Variants in ARB2A observed in about 807,000 individuals in gnomAD.
ARB2A encodes ARB2 cotranscriptional regulator A.
the ARB2A span, among the ~76,000 whole-genome samples, chr5:94,026,108 A>G: frequency 6.6e-6 from 1 of 152,160 alleles, no homozygotes; most frequent in East Asian, 1.9e-4. Context: ...GGTGACCACA[A>G]TGCTAAAGCT....
At chr5:93,801,556 T>C in the ARB2A span, among the ~76,000 whole-genome samples, 1 of 152,158 alleles carries the variant, frequency 6.6e-6, no homozygotes, top group Non-Finnish European at 1.5e-5. Context: ...TATGTTTTAA[T>C]ACATGATAAA....
the ARB2A span, among the ~76,000 whole-genome samples, chr5:93,632,810 T>A: frequency 6.6e-6 from 1 of 152,126 alleles, no homozygotes; most frequent in African/African-American, 2.4e-5. Context: ...AAGTAGGAGT[T>A]GAAAGAAAGC....
the ARB2A span, among the ~76,000 whole-genome samples, chr5:94,094,898 T>G: frequency 6.6e-6 from 1 of 152,140 alleles, no homozygotes; most frequent in Non-Finnish European, 1.5e-5. Flanking sequence ...GGATATAGAT[T>G]AACAGGAGCA....
chr5:94,105,408 A>C, the ARB2A span, among the ~76,000 whole-genome samples: 1 of 152,096 alleles, frequency 6.6e-6, no homozygotes. Context: ...GAAATAAAAT[A>C]CCTAGGCATA....
At chr5:93,925,766 C>A in the ARB2A span, among the ~76,000 whole-genome samples, 1 of 151,968 alleles carries the variant, frequency 6.6e-6, no homozygotes, top group East Asian at 1.9e-4. Context: ...CATATCTTAC[C>A]ACCTAAGAAG....
chr5:94,045,819 A>G, the ARB2A span, among the ~76,000 whole-genome samples: 1 of 152,196 alleles, frequency 6.6e-6, no homozygotes, highest in Non-Finnish European at 1.5e-5. Flanking sequence ...ATTTACTAAC[A>G]TTGCTTTCTT....
the ARB2A span, among the ~76,000 whole-genome samples, chr5:93,765,987 G>GT: frequency 6.6e-6 from 1 of 152,162 alleles, no homozygotes; most frequent in African/African-American, 2.4e-5. Context: ...CTAGCCATAT[G>GT]TAGAAAGCTG....
At chr5:94,019,197 C>T in the ARB2A span, among the ~76,000 whole-genome samples, 1 of 152,208 alleles carries the variant, frequency 6.6e-6, no homozygotes, top group South Asian at 2.1e-4. Context: ...AGACCTAAAA[C>T]CATAAAAACC....
chr5:93,799,403 C>G, the ARB2A span, among the ~76,000 whole-genome samples: 1 of 152,054 alleles, frequency 6.6e-6, no homozygotes, highest in Admixed American at 6.6e-5. Flanking sequence ...AAGACCCTTT[C>G]TGTCAGTTTC....
chr5:93,715,175 T>C, the ARB2A span, among the ~76,000 whole-genome samples: 2 of 152,180 alleles, frequency 1.3e-5, no homozygotes, highest in African/African-American at 4.8e-5. Context: ...AAAATGTATA[T>C]ATAATCAAAA....
chr5:93,991,663 C>T, the ARB2A span, among the ~76,000 whole-genome samples: 1 of 151,688 alleles, frequency 6.6e-6, no homozygotes, highest in African/African-American at 2.4e-5. Context: ...GATTTAACTG[C>T]AGATTACATG....
the ARB2A span, chr5:94,055,622 T>C: frequency 2.0e-6 from 2 of 984,950 alleles, no homozygotes; most frequent in African/African-American, 3.5e-5. Context: ...AAAAGGGACA[T>C]ATGTTGACAA....
chr5:93,760,836 A>G, the ARB2A span, among the ~76,000 whole-genome samples: 40,817 of 151,870 alleles, frequency 0.27, 6,845 homozygotes, highest in African/African-American at 0.47. Flanking sequence ...CTAGACACTG[A>G]CTTAGACAAG....
the ARB2A span, among the ~76,000 whole-genome samples, chr5:93,729,560 C>T: frequency 6.6e-6 from 1 of 152,068 alleles, no homozygotes; most frequent in South Asian, 2.1e-4. Context: ...ATATGGTCTA[C>T]ATAGCCCATA....
chr5:94,111,006 T>A, the ARB2A span, among the ~76,000 whole-genome samples: 1 of 152,188 alleles, frequency 6.6e-6, no homozygotes, highest in East Asian at 1.9e-4. Flanking sequence ...GTCAAAAGTA[T>A]TCAACACTTA....
At chr5:94,087,537 T>C in the ARB2A span, among the ~76,000 whole-genome samples, 1 of 152,240 alleles carries the variant, frequency 6.6e-6, no homozygotes, top group East Asian at 1.9e-4. Context: ...TACAGTAAGC[T>C]AGTTTATTAT....
At chr5:93,958,581 G>A in the ARB2A span, among the ~76,000 whole-genome samples, 1 of 151,902 alleles carries the variant, frequency 6.6e-6, no homozygotes, top group East Asian at 1.9e-4. Context: ...TTAAATCTTT[G>A]TATGCTCAAG....
the ARB2A span, chr5:93,743,578 A>C: frequency 1.0e-6 from 1 of 984,906 alleles, no homozygotes; most frequent in Non-Finnish European, 1.2e-6. Context: ...AGTATCTGCC[A>C]AACGGAATGA....
the ARB2A span, among the ~76,000 whole-genome samples, chr5:93,869,126 A>G: frequency 5.9e-5 from 9 of 152,180 alleles, no homozygotes; most frequent in Non-Finnish European, 1.2e-4. Flanking sequence ...CTCATTTTAC[A>G]TATCTGTAAC....
Sources: allele counts gnomAD v4.1 joint callset (sites outside exome capture counted in the v4.1 genomes callset), GRCh38; gene constraint gnomAD v4.1.1; transcripts MANE v1.5; gene names NCBI Gene and HGNC (gene_info 2026-07-23, HGNC 2026-07-21).